GPHN: variants seen among roughly 807,000 people sequenced by gnomAD.
GPHN encodes the protein gephyrin.
Under a neutral mutation model 95.5 loss-of-function variants are expected in GPHN, and 17 were observed. The ratio of observed to expected loss-of-function variants is 0.18; its 90% confidence interval spans 0.12 to 0.27. The LOEUF is 0.27. Ranked by LOEUF, GPHN falls within the 10% of genes least tolerant of loss-of-function variation. The pLI is 1.00. For missense variants in GPHN, 660 were observed against 978.1 expected (o/e 0.67, Z 4.34); for synonymous variants, 320 against 322.5 (o/e 0.99, Z 0.08).
chr14:67,390,601 G>A, the GPHN span: 310 of 1,160,050 alleles, frequency 2.7e-4, 3 homozygotes, highest in South Asian at 3.6e-3. Context: ...CGCCATGCCA[G>A]GAGAGGAGTG....
At chr14:67,215,653 C>T in the GPHN span, among the ~76,000 whole-genome samples, 11,928 of 152,086 alleles carry the variant, frequency 0.078, 1,089 homozygotes, top group African/African-American at 0.22. Context: ...GGAAAACATA[C>T]CTTTCACTAC....
intron 20 of GPHN, among the ~76,000 whole-genome samples, chr14:67,167,626 T>G (rs1197186996): frequency 6.6e-6 from 1 of 152,194 alleles, no homozygotes; most frequent in African/African-American, 2.4e-5. Context: ...GACTTGATGA[T>G]GCAATAAGCA....
the GPHN span, among the ~76,000 whole-genome samples, chr14:67,275,140 A>G: frequency 5.9e-5 from 9 of 152,266 alleles, no homozygotes; most frequent in Admixed American, 4.6e-4. Context: ...GCCTTGGCCA[A>G]AACTTCCAAC....
rs371364853 is a variant in GPHN at position 66,533,981 on chromosome 14, T to TA, written c.64+25391dup. 3.6e-3 allele frequency among the ~76,000 whole-genome samples: 551 copies of TA among 152,312 alleles called. 12 individuals carry two copies. Among genetic ancestry groups the TA allele is most frequent in the African/African-American group, 0.013 (525 of 41,564 alleles). On this transcript the variant is annotated intron_variant, in intron 1 of 22. Coordinates refer to ENST00000478722, the MANE Select transcript of GPHN (RefSeq NM_020806.5). ...CCTAGTTAGATGATTTATTTGAGCT[T>TA]ACGTATCTAAATGACTGAGTTGGGG...
the GPHN span, chr14:67,576,369 TC>T: frequency 7.4e-7 from 1 of 1,350,078 alleles, no homozygotes; most frequent in African/African-American, 1.4e-5. The surrounding 1 kb of genome is among the most constrained non-coding windows in gnomAD (Gnocchi z 4.0). Flanking sequence ...CCCGTCCCCA[TC>T]CGATGGCTTT....
the GPHN span, chr14:67,571,030 C>T: frequency 6.6e-6 from 1 of 152,220 alleles, no homozygotes; most frequent in East Asian, 1.9e-4. Context: ...CCCCTACCTC[C>T]TCCTTCTATA....
intron 1 of GPHN, among the ~76,000 whole-genome samples, chr14:66,615,439 G>C (rs2153300996): frequency 6.9e-6 from 1 of 144,880 alleles, no homozygotes; most frequent in African/African-American, 2.5e-5. Flanking sequence ...TTGTGGTTTT[G>C]ATTTGCATTT....
intron 11 of GPHN, among the ~76,000 whole-genome samples, chr14:67,087,197 C>T (rs1345559035): frequency 6.6e-6 from 1 of 152,030 alleles, no homozygotes; most frequent in Non-Finnish European, 1.5e-5. Flanking sequence ...AAAACTCAGC[C>T]CTTGTGCTAT....
chr14:66,566,034 T>C (rs923150196), intron 1 of GPHN, among the ~76,000 whole-genome samples: 1 of 152,048 alleles, frequency 6.6e-6, no homozygotes, highest in Non-Finnish European at 1.5e-5. Context: ...ACTATCAGTT[T>C]ATCAATCCTA....
chr14:67,100,538 G>T (rs939756416), intron 12 of GPHN, among the ~76,000 whole-genome samples: 5 of 152,074 alleles, frequency 3.3e-5, no homozygotes, highest in Non-Finnish European at 7.4e-5. Flanking sequence ...AGGAAGATTG[G>T]CTAGAATAAC....
intron 1 of GPHN, among the ~76,000 whole-genome samples, chr14:66,594,334 A>G (rs2061881793): frequency 6.6e-6 from 1 of 152,192 alleles, no homozygotes; most frequent in Non-Finnish European, 1.5e-5. Flanking sequence ...TTTGTATGAC[A>G]TCACAAACAC....
intron 1 of GPHN, among the ~76,000 whole-genome samples, chr14:66,601,312 A>C (rs910007584): frequency 1.3e-5 from 2 of 152,030 alleles, no homozygotes; most frequent in African/African-American, 4.8e-5. Context: ...TTTGGAGACC[A>C]CGGAAAGGCT....
At chr14:67,397,312 T>A in the GPHN span, among the ~76,000 whole-genome samples, 2 of 152,282 alleles carry the variant, frequency 1.3e-5, no homozygotes, top group South Asian at 2.1e-4. Context: ...ATGAAAGCCA[T>A]CATAGTGAAC....
the GPHN span, chr14:67,332,851 G>C: frequency 2.5e-6 from 4 of 1,613,966 alleles, no homozygotes; most frequent in Admixed American, 1.7e-5. Context: ...ACTTTGATAC[G>C]GCAATTGTGA....
At chr14:67,713,626 A>T in the GPHN span, among the ~76,000 whole-genome samples, 7 of 152,200 alleles carry the variant, frequency 4.6e-5, no homozygotes, top group African/African-American at 9.7e-5. Flanking sequence ...TGTGGTTAAC[A>T]AAATGTAAAC....
intron 11 of GPHN, among the ~76,000 whole-genome samples, chr14:67,063,164 T>C (rs2153652309): frequency 6.6e-6 from 1 of 152,354 alleles, no homozygotes; most frequent in African/African-American, 2.4e-5. Context: ...TAGCCAGTTT[T>C]CCCAGCACCA....
the GPHN span, among the ~76,000 whole-genome samples, chr14:67,633,856 G>T: frequency 6.6e-6 from 1 of 152,056 alleles, no homozygotes; most frequent in African/African-American, 2.4e-5. Flanking sequence ...CTTATTCCTG[G>T]CTAATGTCTT....
At chr14:66,621,008 A>C (rs2063268074) in intron 1 of GPHN, among the ~76,000 whole-genome samples, 1 of 152,124 alleles carries the variant, frequency 6.6e-6, no homozygotes, top group Admixed American at 6.5e-5. Flanking sequence ...TCTGTCGCCC[A>C]GGCTGGAGTG....
At chr14:66,657,260 G>T (rs1240654794) in intron 1 of GPHN, among the ~76,000 whole-genome samples, 1 of 152,200 alleles carries the variant, frequency 6.6e-6, no homozygotes, top group Non-Finnish European at 1.5e-5. Context: ...TGCAGAAGTT[G>T]CACAAGAAAA....
Sources: gnomAD v4.1 joint callset for allele counts (sites outside exome capture counted in the v4.1 genomes callset) on GRCh38, gnomAD v4.1.1 for gene constraint, Gnocchi (gnomAD v3.1) non-coding constraint, MANE v1.5 for transcripts, NCBI Gene and HGNC (gene_info 2026-07-23, HGNC 2026-07-21) for gene names.